PTPRM: variants seen among roughly 807,000 people sequenced by gnomAD.
The protein encoded by PTPRM is receptor-type tyrosine-protein phosphatase mu.
In PTPRM, 47 loss-of-function variants were observed where a neutral mutation model predicts 186.7. That is an observed-to-expected ratio of 0.25 (90% CI 0.20 to 0.32). The LOEUF is 0.32. PTPRM is among the 10% of genes least tolerant of loss of function. The probability of loss-of-function intolerance (pLI) is 1.00; values close to 1 mark genes in which losing one functional copy is unlikely to be tolerated. For synonymous variants in PTPRM, 668 were observed against 674.9 expected, an observed-to-expected ratio of 0.99 and a Z score of 0.16; for missense variants, 1,494 against 1,865.0, an observed-to-expected ratio of 0.80 and a Z score of 3.66.
At chr18:8,228,753 T>C (rs1264218465) in intron 14 of PTPRM, among the ~76,000 whole-genome samples, 1 of 151,488 alleles carries the variant, frequency 6.6e-6, no homozygotes, top group Admixed American at 6.6e-5. Flanking sequence ...CTTGGGAGGC[T>C]GAGGCAGGAG....
chr18:8,247,735 C>G (rs1453419310), intron 15 of PTPRM, 110 bp from the exon 16 acceptor site: 3 of 748,076 alleles, frequency 4.0e-6, no homozygotes, highest in Non-Finnish European at 2.3e-6. Context: ...TCAGTGAGTC[C>G]CGGAGTCACC....
chr18:7,824,850 G>A (rs1163021664), intron 2 of PTPRM, among the ~76,000 whole-genome samples: 1 of 152,160 alleles, frequency 6.6e-6, no homozygotes, highest in Non-Finnish European at 1.5e-5. Flanking sequence ...CTGGCCCCAG[G>A]GAGGCTCTCT....
chr18:8,023,905 C>T (rs2085396019), intron 7 of PTPRM, among the ~76,000 whole-genome samples: 1 of 151,030 alleles, frequency 6.6e-6, no homozygotes, highest in South Asian at 2.1e-4. Flanking sequence ...CATTTTCTGG[C>T]TTTGGATTTA....
At chr18:7,867,387 G>A (rs2047763225) in intron 2 of PTPRM, among the ~76,000 whole-genome samples, 1 of 152,140 alleles carries the variant, frequency 6.6e-6, no homozygotes, top group African/African-American at 2.4e-5. Flanking sequence ...TTGTATTGCA[G>A]GCCTGGTGGT....
chr18:7,837,388 T>C (rs1376192412), intron 2 of PTPRM, among the ~76,000 whole-genome samples: 1 of 152,192 alleles, frequency 6.6e-6, no homozygotes, highest in Non-Finnish European at 1.5e-5. Flanking sequence ...TTTTGTTAAA[T>C]TTGTCTGATA....
rs2037444944 is a variant in PTPRM at position 7,603,014 on chromosome 18, ACCT to A, written c.73+35127_73+35129del. ...GTGATCTCGGCTCGCTACAAGCTCC[ACCT>A]CCTGGGTTCACGCCATTCTCCTGCC... On this transcript the variant is annotated intron_variant, in intron 1 of 32. Coordinates refer to ENST00000580170, the MANE Select transcript of PTPRM (RefSeq NM_001105244.2). 3.3e-5 allele frequency among the ~76,000 whole-genome samples: 5 copies of A among 150,624 alleles called. No individual in the cohort carries two copies. In the South Asian group the frequency reaches 1.1e-3, roughly 32 times the overall value.
chr18:8,015,319 A>G (rs1342257245), intron 7 of PTPRM, among the ~76,000 whole-genome samples: 2 of 152,256 alleles, frequency 1.3e-5, no homozygotes, highest in Non-Finnish European at 2.9e-5. Context: ...AATAAATATA[A>G]TATTTCTCTA....
intron 19 of PTPRM, among the ~76,000 whole-genome samples, chr18:8,272,158 T>C (rs953200579): frequency 4.7e-5 from 7 of 149,674 alleles, no homozygotes; most frequent in African/African-American, 1.7e-4. Context: ...TGAGCCAAGA[T>C]TGTGCCACTG....
intron 3 of PTPRM, among the ~76,000 whole-genome samples, chr18:7,892,964 A>G (rs2049158056): frequency 6.6e-6 from 1 of 152,124 alleles, no homozygotes; most frequent in African/African-American, 2.4e-5. Flanking sequence ...CATTTTTGGG[A>G]TTAGGGTTTC....
At chr18:8,016,909 A>G (rs904953108) in intron 7 of PTPRM, among the ~76,000 whole-genome samples, 1 of 152,210 alleles carries the variant, frequency 6.6e-6, no homozygotes, top group African/African-American at 2.4e-5. Context: ...TTTCATCTAC[A>G]TGGCTGACCA....
At chr18:8,093,736 C>T (rs1381097782) in intron 11 of PTPRM, among the ~76,000 whole-genome samples, 1 of 152,098 alleles carries the variant, frequency 6.6e-6, no homozygotes, top group Non-Finnish European at 1.5e-5. Flanking sequence ...TTATTATCAG[C>T]TTAACTGAAT....
intron 10 of PTPRM, 118 bp downstream of exon 10, chr18:8,085,990 C>A (rs1421577670): frequency 1.1e-6 from 1 of 933,804 alleles, no homozygotes; most frequent in East Asian, 2.5e-5. Flanking sequence ...AGGAATACTC[C>A]TGGATGCCTG....
chr18:7,792,409 C>A (rs912408635), intron 2 of PTPRM, among the ~76,000 whole-genome samples: 1 of 152,078 alleles, frequency 6.6e-6, no homozygotes, highest in East Asian at 1.9e-4. Context: ...CTCTTCTGAT[C>A]TCTTCCCTTA....
At chr18:8,132,836 C>T (rs993560385) in intron 13 of PTPRM, among the ~76,000 whole-genome samples, 2 of 152,162 alleles carry the variant, frequency 1.3e-5, no homozygotes, top group Non-Finnish European at 2.9e-5. Flanking sequence ...TTTCCATGCT[C>T]TTACTTCCTG....
At chr18:7,741,685 GA>G (rs562820203) in intron 1 of PTPRM, 203 of 152,284 alleles carry the variant, frequency 1.3e-3, no homozygotes, top group African/African-American at 4.8e-3. Flanking sequence ...AAATCTTAAG[GA>G]ATTTTCATCT....
intron 2 of PTPRM, among the ~76,000 whole-genome samples, chr18:7,823,589 C>A (rs573235526): frequency 2.0e-5 from 3 of 152,166 alleles, no homozygotes; most frequent in Admixed American, 6.5e-5. Flanking sequence ...GCTGCCAGCG[C>A]TGCTTGAATA....
At chr18:7,912,042 C>T (rs912516050) in intron 4 of PTPRM, among the ~76,000 whole-genome samples, 10 of 151,576 alleles carry the variant, frequency 6.6e-5, no homozygotes, top group East Asian at 1.9e-4. Context: ...AGTAGAGACG[C>T]GGTTTCACCA....
chr18:7,575,266 C>A (rs748177435), intron 1 of PTPRM, among the ~76,000 whole-genome samples: 1 of 152,164 alleles, frequency 6.6e-6, no homozygotes, highest in Non-Finnish European at 1.5e-5. Context: ...TCCCTGCTGC[C>A]GGTTGCTCCT....
chr18:7,809,014 C>A (rs952107279), intron 2 of PTPRM, among the ~76,000 whole-genome samples: 3 of 152,130 alleles, frequency 2.0e-5, no homozygotes, highest in Non-Finnish European at 4.4e-5. Flanking sequence ...AGTCAGACGC[C>A]CTGGGAGGTT....
Sources: allele counts gnomAD v4.1 joint callset (sites outside exome capture counted in the v4.1 genomes callset), GRCh38; gene constraint gnomAD v4.1.1; transcripts MANE v1.5; gene names NCBI Gene and HGNC (gene_info 2026-07-23, HGNC 2026-07-21).